SNX4: variants seen among roughly 807,000 people sequenced by gnomAD.
The protein encoded by SNX4 is sorting nexin-4.
SNX4 carries 49 observed loss-of-function variants against 70.8 expected under a neutral mutation model. The ratio of observed to expected loss-of-function variants is 0.69; its 90% CI spans 0.55 to 0.88. The LOEUF is 0.88. SNX4 is among the 40% of genes least tolerant of loss of function. The probability of loss-of-function intolerance (pLI) is 0.00; values close to 1 mark genes in which losing one functional copy is unlikely to be tolerated. For missense variants in SNX4, 528 were observed against 544.8 expected, an observed-to-expected ratio of 0.97 and a Z score of 0.31; for synonymous variants, 206 against 183.8, an observed-to-expected ratio of 1.12 and a Z score of -0.98.
At chr3:125,496,929 T>C (rs990334492) in intron 5 of SNX4, among the ~76,000 whole-genome samples, 3 of 152,110 alleles carry the variant, frequency 2.0e-5, no homozygotes, top group Non-Finnish European at 4.4e-5. Flanking sequence ...GTTGGACTCT[T>C]TCATATGTGA....
At chr3:125,510,988 G>A (rs561342708) in intron 1 of SNX4, among the ~76,000 whole-genome samples, 11 of 152,252 alleles carry the variant, frequency 7.2e-5, no homozygotes, top group African/African-American at 2.4e-4. Context: ...GCACGATCTC[G>A]GCTGACCGCA....
At chr3:125,473,656 C>G (rs962817969) in intron 8 of SNX4, among the ~76,000 whole-genome samples, 7 of 152,210 alleles carry the variant, frequency 4.6e-5, no homozygotes. Flanking sequence ...CTCAAGTGAT[C>G]TGCCCGCATC....
intron 9 of SNX4, among the ~76,000 whole-genome samples, chr3:125,465,711 C>T (rs1277805376): frequency 1.3e-5 from 2 of 151,550 alleles, no homozygotes; most frequent in Non-Finnish European, 2.9e-5. Flanking sequence ...GGTGTGGTCT[C>T]GGCTCACTGC....
intron 9 of SNX4, among the ~76,000 whole-genome samples, chr3:125,465,652 TA>T (rs199895784): frequency 2.4e-3 from 364 of 152,054 alleles, no homozygotes; most frequent in African/African-American, 8.3e-3. Context: ...CTTTTTATTT[TA>T]TTTTTTTGAG....
intron 7 of SNX4, among the ~76,000 whole-genome samples, chr3:125,478,702 T>A (rs1339464604): frequency 6.6e-6 from 1 of 151,228 alleles, no homozygotes; most frequent in East Asian, 1.9e-4. Context: ...TCTACTAAGA[T>A]ATTAAGCATG....
intron 1 of SNX4, among the ~76,000 whole-genome samples, chr3:125,517,895 G>C (rs966078080): frequency 3.9e-5 from 6 of 152,026 alleles, no homozygotes; most frequent in Non-Finnish European, 5.9e-5. Flanking sequence ...AGAATCGCTT[G>C]AGCCTGGGAG....
chr3:125,449,418 C>CAAAA (rs1212260769), intron 13 of SNX4, among the ~76,000 whole-genome samples: 5 of 101,794 alleles, frequency 4.9e-5, no homozygotes, highest in Admixed American at 1.1e-4. Flanking sequence ...GACTCTGTCT[C>CAAAA]AAAAAAAAAA....
intron 6 of SNX4, among the ~76,000 whole-genome samples, chr3:125,480,533 T>G (rs1176876796): frequency 6.6e-6 from 1 of 152,202 alleles, no homozygotes; most frequent in East Asian, 1.9e-4. Flanking sequence ...TCACACTTCA[T>G]AATTTACCTC....
intron 6 of SNX4, among the ~76,000 whole-genome samples, chr3:125,486,733 AT>A (rs1266894457): frequency 7.9e-5 from 12 of 152,178 alleles, no homozygotes; most frequent in African/African-American, 2.9e-4. Context: ...ATAAATGGAG[AT>A]AGACCTTGGG....
Position 125,520,033 on chromosome 3 carries a change from G to C in SNX4, c.140C>G (p.Thr47Arg). The change falls in exon 1 of 14, where the codon ACG (threonine) becomes AGG (arginine). Residue 47 changes from threonine to arginine, a missense_variant and splice_region_variant. Coordinates refer to ENST00000251775, the MANE Select transcript of SNX4 (RefSeq NM_003794.4). Reference sequence around the variant, plus strand: ...GGCTCTGCCGCCCCTTCTCCTCACCGTGTCGACCCCAGAGCTCTCTTCTCC... The same window carrying C: ...GGCTCTGCCGCCCCTTCTCCTCACCCTGTCGACCCCAGAGCTCTCTTCTCC... ...GAGEESSGVD[T>R]MTHNNFWLKK... 6.9e-7 allele frequency: 1 copy of C among 1,455,304 alleles called. No individual in the cohort carries two copies. Among genetic ancestry groups the C allele is most frequent in the East Asian group, 3.4e-5 (1 of 29,224 alleles). 90.1% of individuals were successfully genotyped at this position (1,455,304 alleles called of 1,614,324 possible).
chr3:125,507,587 T>C (rs1314834179), intron 1 of SNX4, among the ~76,000 whole-genome samples: 1 of 152,220 alleles, frequency 6.6e-6, no homozygotes, highest in Non-Finnish European at 1.5e-5. Flanking sequence ...AGACACTTTA[T>C]AACTTTTCAA....
intron 9 of SNX4, among the ~76,000 whole-genome samples, chr3:125,468,137 C>A (rs1286685613): frequency 6.6e-6 from 1 of 152,166 alleles, no homozygotes. Flanking sequence ...TGAATTAACA[C>A]AGGAACAAAA....
chr3:125,481,877 C>T (rs1459283648), intron 6 of SNX4, among the ~76,000 whole-genome samples: 1 of 151,972 alleles, frequency 6.6e-6, no homozygotes, highest in African/African-American at 2.4e-5. Flanking sequence ...TCAGGTTATA[C>T]TTTATTTTTC....
At chr3:125,477,776 G>T (rs549878085) in intron 7 of SNX4, among the ~76,000 whole-genome samples, 1 of 152,284 alleles carries the variant, frequency 6.6e-6, no homozygotes, top group South Asian at 2.1e-4. Context: ...TAGACTAGGG[G>T]TTAACACACT....
chr3:125,490,762 C>G (rs1934642034), intron 5 of SNX4, among the ~76,000 whole-genome samples: 2 of 151,170 alleles, frequency 1.3e-5, no homozygotes, highest in Admixed American at 1.3e-4. Flanking sequence ...AAATCCTGTC[C>G]TGTCCTAAAT....
chr3:125,505,116 C>A (rs138618174), intron 1 of SNX4, among the ~76,000 whole-genome samples: 2 of 152,078 alleles, frequency 1.3e-5, no homozygotes, highest in Non-Finnish European at 2.9e-5. Flanking sequence ...ATTACAGGCA[C>A]GCACCAACAT....
chr3:125,479,775 G>A (rs890457756), intron 7 of SNX4, among the ~76,000 whole-genome samples: 1 of 152,028 alleles, frequency 6.6e-6, no homozygotes, highest in Non-Finnish European at 1.5e-5. Context: ...TATTACAGCT[G>A]AACTATATGG....
chr3:125,489,817 T>C (rs569251394), intron 5 of SNX4, among the ~76,000 whole-genome samples: 3 of 152,310 alleles, frequency 2.0e-5, no homozygotes, highest in Non-Finnish European at 2.9e-5. Context: ...TACGTATATA[T>C]AAACTAAATG....
intron 1 of SNX4, among the ~76,000 whole-genome samples, chr3:125,510,524 C>T (rs1051221682): frequency 3.9e-5 from 6 of 152,090 alleles, no homozygotes; most frequent in Non-Finnish European, 8.8e-5. Flanking sequence ...CCACCGCGCC[C>T]GGCTGAATGG....
Sources: gnomAD v4.1 joint callset for allele counts (sites outside exome capture counted in the v4.1 genomes callset) on GRCh38, gnomAD v4.1.1 for gene constraint, MANE v1.5 for transcripts, NCBI Gene and HGNC (gene_info 2026-07-23, HGNC 2026-07-21) for gene names.